Variants in CALN1 observed in about 807,000 individuals in gnomAD.
The protein encoded by CALN1 is calcium-binding protein 8.
Under a neutral mutation model 30.6 loss-of-function variants are expected in CALN1, and 17 were observed. The observed-to-expected ratio is 0.56, with a 90% CI of 0.38 to 0.83. CALN1 has a LOEUF of 0.83. Among genes scored for constraint, CALN1 ranks in the 40% least tolerant of loss-of-function variants. CALN1 has a pLI of 0.00. For synonymous variants in CALN1, 156 were observed against 131.4 expected (o/e 1.19, Z -1.28); for missense variants, 291 against 354.9 (o/e 0.82, Z 1.45).
chr7:72,426,786 G>A (rs557192878), intron 1 of CALN1, among the ~76,000 whole-genome samples: 1 of 152,244 alleles, frequency 6.6e-6, no homozygotes, highest in Admixed American at 6.5e-5. Context: ...TTGAGTCTTT[G>A]GTTCTGGGGA....
Position 72,338,527 on chromosome 7 carries a change from G to GTGTGTGTGTGTGTGTGTGTGTC in CALN1, c.120-59718_120-59717insGACACACACACACACACACACA, listed in dbSNP as rs1190799242. Among the ~76,000 whole-genome samples the GTGTGTGTGTGTGTGTGTGTGTC allele has an allele frequency of 4.1e-4, 59 of 144,574 alleles. 1 individual carries two copies. Among genetic ancestry groups the GTGTGTGTGTGTGTGTGTGTGTC allele is most frequent in the African/African-American group, 1.5e-3 (55 of 37,002 alleles). 94.8% of individuals were successfully genotyped at this position (144,574 alleles called of 152,430 possible). A position where few individuals can be genotyped will look rare whatever the true frequency, so the allele number is the denominator to read the frequency against. The stretch of plus-strand genomic sequence containing the variant: ...TGTGTGTGTGTGTGTGTGTGTGTGT[G>GTGTGTGTGTGTGTGTGTGTGTC]TCTCACCTGGGTGTGGTTTCAGAGT... On this transcript the variant is annotated intron_variant, in intron 2 of 6. Transcript: ENST00000395275.
intron 5 of CALN1, among the ~76,000 whole-genome samples, chr7:71,830,781 AAAATAGAGATGAT>A (rs1789227655): frequency 6.6e-6 from 1 of 152,244 alleles, no homozygotes; most frequent in Non-Finnish European, 1.5e-5. Flanking sequence ...TTCCCTGTGA[AAAATAGAGATGAT>A]ATTGTTTACA....
chr7:72,383,819 G>C lies in CALN1; in HGVS notation c.119+19432C>G, dbSNP rs192690879. ...TAAGGGTGGAGGCATAGATGAGTTG[G>C]CCCTGTTGTCCCATTAGCATCACAA... is the stretch of plus-strand genomic sequence containing the variant. On this transcript the variant is annotated intron_variant, in intron 2 of 6. Transcript: ENST00000395275. Among the ~76,000 whole-genome samples, 149 of 152,274 alleles carry C rather than the reference G, an allele frequency of 9.8e-4. 1 individual carries two copies. In the Middle Eastern group the frequency reaches 0.01, roughly 10 times the overall value.
intron 3 of CALN1, among the ~76,000 whole-genome samples, chr7:72,199,475 C>CGGG (rs1029016448): frequency 2.0e-5 from 3 of 152,048 alleles, no homozygotes; most frequent in Admixed American, 2.0e-4. Flanking sequence ...CAGGCTGAGC[C>CGGG]GGGGGGCATT....
At chr7:72,213,302 C>T (rs1428891306) in intron 3 of CALN1, among the ~76,000 whole-genome samples, 1 of 152,236 alleles carries the variant, frequency 6.6e-6, no homozygotes, top group Middle Eastern at 3.2e-3. Context: ...TCTTGGACAT[C>T]AAGGAATTTT....
At chr7:72,230,406 C>A (rs1393130460) in intron 3 of CALN1, among the ~76,000 whole-genome samples, 1 of 148,208 alleles carries the variant, frequency 6.7e-6, no homozygotes, top group Non-Finnish European at 1.5e-5. Context: ...ACTTGGGAGG[C>A]TGAAGTGGGA....
the CALN1 span, among the ~76,000 whole-genome samples, chr7:72,459,521 G>A: frequency 6.6e-6 from 1 of 151,966 alleles, no homozygotes; most frequent in South Asian, 2.1e-4. Flanking sequence ...AGCTACTCAG[G>A]AGGCTGAGGC....
chr7:71,938,098 C>A (rs1584555325), intron 5 of CALN1, among the ~76,000 whole-genome samples: 1 of 152,130 alleles, frequency 6.6e-6, no homozygotes, highest in African/African-American at 2.4e-5. Context: ...CCAAGAGTAT[C>A]AGAGAGATTG....
At chr7:71,884,875 T>C (rs1307210494) in intron 5 of CALN1, among the ~76,000 whole-genome samples, 1 of 152,192 alleles carries the variant, frequency 6.6e-6, no homozygotes, top group Admixed American at 6.5e-5. Flanking sequence ...GATCTTTTTC[T>C]TCCAGACCTA....
intron 3 of CALN1, among the ~76,000 whole-genome samples, chr7:72,141,678 C>T (rs1434840608): frequency 6.6e-6 from 1 of 152,090 alleles, no homozygotes; most frequent in Non-Finnish European, 1.5e-5. Context: ...AAGCGATTCT[C>T]CTGCTTCAGC....
At chr7:71,973,173 T>G (rs964295081) in intron 5 of CALN1, among the ~76,000 whole-genome samples, 1 of 148,802 alleles carries the variant, frequency 6.7e-6, no homozygotes, top group Non-Finnish European at 1.5e-5. Flanking sequence ...CTGTTTTGGG[T>G]TTTTTTTTTC....
At chr7:71,841,653 G>C (rs577879206) in intron 5 of CALN1, among the ~76,000 whole-genome samples, 1 of 152,170 alleles carries the variant, frequency 6.6e-6, no homozygotes. Flanking sequence ...GATATACACT[G>C]TGGAATACTA....
chr7:71,811,774 G>A (rs960821494), intron 5 of CALN1, among the ~76,000 whole-genome samples: 15 of 151,506 alleles, frequency 9.9e-5, no homozygotes, highest in African/African-American at 3.4e-4. Context: ...CACCTCCCGG[G>A]TTCAAGCAAT....
chr7:72,331,168 G>A (rs1424061724), intron 2 of CALN1, among the ~76,000 whole-genome samples: 1 of 152,006 alleles, frequency 6.6e-6, no homozygotes, highest in Admixed American at 6.6e-5. Flanking sequence ...TGGCCAATAT[G>A]GTGAAACCCC....
intron 4 of CALN1, among the ~76,000 whole-genome samples, chr7:72,051,799 G>T (rs937645665): frequency 5.9e-5 from 9 of 152,124 alleles, no homozygotes; most frequent in Non-Finnish European, 1.0e-4. Flanking sequence ...ACAATAAAAA[G>T]TGTGGTGGTC....
intron 4 of CALN1, among the ~76,000 whole-genome samples, chr7:72,065,671 G>A (rs1803971976): frequency 6.6e-6 from 1 of 152,020 alleles, no homozygotes; most frequent in Non-Finnish European, 1.5e-5. Context: ...CGCTTCATCT[G>A]TGTGGAAGTC....
chr7:72,274,388 A>G (rs1024342525), intron 3 of CALN1, among the ~76,000 whole-genome samples: 3 of 151,984 alleles, frequency 2.0e-5, no homozygotes, highest in Admixed American at 6.6e-5. Flanking sequence ...CATGCCTGTA[A>G]TCCTAGCTAC....
upstream of CALN1, among the ~76,000 whole-genome samples, chr7:72,452,047 G>T (rs910495521): frequency 1.3e-5 from 2 of 152,152 alleles, no homozygotes; most frequent in Admixed American, 6.5e-5. Flanking sequence ...TTCACTTTGG[G>T]AGAATTGAAT....
Position 71,856,451 on chromosome 7 carries a change from G to A in CALN1, c.502-45959C>T, listed in dbSNP as rs138811494. Among the ~76,000 whole-genome samples, 34 of 151,994 alleles carry A rather than the reference G, an allele frequency of 2.2e-4. 1 individual carries two copies. The highest frequency in any genetic ancestry group is 1.9e-3 in the Admixed American group (29 of 15,264). The stretch of plus-strand genomic sequence containing the variant: ...CTACAGGTGTGCACCACCACACCTG[G>A]TCAATATCTTTGATGTTATATTTTA... On this transcript the variant is annotated intron_variant, in intron 5 of 6. Coordinates refer to ENST00000395275, the MANE Select transcript of CALN1 (RefSeq NM_031468.4).
Sources: gnomAD v4.1 joint callset for allele counts (sites outside exome capture counted in the v4.1 genomes callset) on GRCh38, gnomAD v4.1.1 for gene constraint, MANE v1.5 for transcripts, NCBI Gene and HGNC (gene_info 2026-07-23, HGNC 2026-07-21) for gene names.